Variants in CREM observed in about 807,000 individuals in gnomAD.
The protein encoded by CREM is cAMP-responsive element modulator.
A neutral mutation model predicts 37.3 loss-of-function variants in CREM; 13 were observed. The ratio of observed to expected loss-of-function variants is 0.35; its 90% confidence interval spans 0.23 to 0.55. CREM has a LOEUF of 0.55. CREM is among the 20% of genes least tolerant of loss of function. The pLI, the probability that CREM is intolerant of heterozygous loss-of-function variation, is 0.88. For missense variants in CREM, 296 were observed against 362.3 expected, an observed-to-expected ratio of 0.82 and a Z score of 1.49; for synonymous variants, 124 against 120.2, an observed-to-expected ratio of 1.03 and a Z score of -0.21.
intron 6 of CREM, chr10:35,196,195 CATCCTCTTACTCCATCTATAGG>C: frequency 8.1e-7 from 1 of 1,228,128 alleles, no homozygotes; most frequent in Non-Finnish European, 1.2e-6. Context: ...ACTCTTACTC[CATCCTCTTACTCCATCTATAGG>C]AACTTGCGAT....
rs58354150 is a variant in CREM at position 35,159,440 on chromosome 10, C to T, written c.168+10949C>T. Among the ~76,000 whole-genome samples, 1,206 of 152,262 alleles carry T rather than the reference C, an allele frequency of 7.9e-3. 21 individuals are homozygous for T. The highest frequency in any genetic ancestry group is 0.027 in the African/African-American group (1,132 of 41,556). The stretch of plus-strand genomic sequence containing the variant: ...AAAACCATGCATTTACTTACACCAA[C>T]TTATATTCAACAAAAATGGCAGGAC... On this transcript the variant is annotated intron_variant, in intron 3 of 7. Transcript: ENST00000685392.
In CREM at chr10:35,208,690, G is replaced by T. The variant is rs374412144; in HGVS notation, c.755+1639G>T. On this transcript the variant is annotated intron_variant, in intron 7 of 7. Coordinates refer to ENST00000685392, the MANE Select transcript of CREM (RefSeq NM_183011.2). ...CTCTAGGCATTGCCTCAGACAGGAA[G>T]AAGGGCTAGAGCCAAAAATTGGGGC... is the stretch of plus-strand genomic sequence containing the variant. Among the ~76,000 whole-genome samples the T allele has an allele frequency of 3.3e-5, 5 of 152,322 alleles. No homozygotes were observed. The South Asian group carries it at 6.2e-4, about 19-fold the overall frequency.
chr10:35,180,180 ATGT>A (rs1205814390), intron 5 of CREM, among the ~76,000 whole-genome samples: 1 of 152,228 alleles, frequency 6.6e-6, no homozygotes, highest in Admixed American at 6.5e-5. Context: ...GACAGCAGTC[ATGT>A]TGTTGAAGAG....
At chr10:35,138,200 C>T (rs2090881065) in intron 2 of CREM, among the ~76,000 whole-genome samples, 1 of 152,192 alleles carries the variant, frequency 6.6e-6, no homozygotes, top group African/African-American at 2.4e-5. Flanking sequence ...TATTCTTCCT[C>T]CCGGCCTTTC....
In CREM at chr10:35,195,156, G is replaced by C. The variant is rs752229615; in HGVS notation, c.598+6768G>C. On this transcript the variant is annotated intron_variant, in intron 6 of 7. Coordinates refer to ENST00000685392, the MANE Select transcript of CREM (RefSeq NM_183011.2). ...ACACTTTATGTTGAACTGTGGTAGA[G>C]GAAACAAGACAGTTCTGTCTGCAGA... 16 of 1,612,164 alleles carry C rather than the reference G, an allele frequency of 9.9e-6. No individual in the cohort carries two copies. In the South Asian group the frequency reaches 1.5e-4, roughly 16 times the overall value.
chr10:35,179,760 A>G (rs2094273354), intron 5 of CREM: 1 of 152,772 alleles, frequency 6.5e-6, no homozygotes. Flanking sequence ...AAATGATTTA[A>G]TTTTTTAAAC....
chr10:35,145,418 T>G (rs1321139847), intron 2 of CREM, among the ~76,000 whole-genome samples: 1 of 152,086 alleles, frequency 6.6e-6, no homozygotes, highest in Non-Finnish European at 1.5e-5. Flanking sequence ...ATGACCACAT[T>G]CTCTGGCAGA....
intron 1 of CREM, among the ~76,000 whole-genome samples, 185 bp from the exon 2 acceptor site, chr10:35,137,597 T>TC (rs940785453): frequency 2.0e-5 from 3 of 152,166 alleles, no homozygotes; most frequent in Middle Eastern, 3.2e-3. Context: ...AGGGCTGTTT[T>TC]TAGCTTTCTA....
chr10:35,178,575 T>C (rs1040688146), intron 3 of CREM, among the ~76,000 whole-genome samples: 1 of 152,212 alleles, frequency 6.6e-6, no homozygotes, highest in African/African-American at 2.4e-5. Context: ...GCTTAGGTCT[T>C]GGGTATTTTA....
intron 5 of CREM, among the ~76,000 whole-genome samples, chr10:35,183,872 C>G (rs535140484): frequency 6.6e-6 from 1 of 152,148 alleles, no homozygotes; most frequent in Non-Finnish European, 1.5e-5. Flanking sequence ...GTCAGGCATT[C>G]GAGACCAGCC....
chr10:35,127,335 ACCCCGGGGCCGGGC>A (rs965870717), intron 1 of CREM, 142 bp downstream of exon 1: 2 of 151,724 alleles, frequency 1.3e-5, no homozygotes, highest in African/African-American at 4.8e-5. Flanking sequence ...GCGGGCCGGG[ACCCCGGGGCCGGGC>A]CAAGGACTGG....
chr10:35,210,263 G>A (rs1348964944), intron 7 of CREM, among the ~76,000 whole-genome samples: 1 of 152,076 alleles, frequency 6.6e-6, no homozygotes, highest in African/African-American at 2.4e-5. Flanking sequence ...CCTCCAAAAT[G>A]AGGCCAATTA....
intron 3 of CREM, among the ~76,000 whole-genome samples, chr10:35,176,406 CTTCTTTTTTTTTTTTTTTT>C (rs2094082726): frequency 6.9e-6 from 1 of 144,712 alleles, no homozygotes; most frequent in Admixed American, 6.9e-5. Flanking sequence ...CTTTTTTTTT[CTTCTTTTTTTTTTTTTTTT>C]GAGACAGAGT....
intron 6 of CREM, 135 bp downstream of exon 6, chr10:35,188,523 C>A: frequency 1.5e-6 from 1 of 662,236 alleles, no homozygotes; most frequent in Non-Finnish European, 2.3e-6. Context: ...AAAAGGCTTA[C>A]AGAAGAAATA....
chr10:35,185,303 CT>C (rs1251257279), intron 5 of CREM, among the ~76,000 whole-genome samples: 2 of 152,028 alleles, frequency 1.3e-5, no homozygotes, highest in Non-Finnish European at 2.9e-5. Context: ...GGGGTTTCTC[CT>C]TGTTGGTCAG....
chr10:35,161,669 A>G (rs1458672340), intron 3 of CREM, among the ~76,000 whole-genome samples: 4 of 152,070 alleles, frequency 2.6e-5, no homozygotes, highest in Non-Finnish European at 4.4e-5. Context: ...TCACCAAAAA[A>G]AAAAAGCTCG....
In CREM at chr10:35,194,220, G is replaced by A. The variant is rs1297740874; in HGVS notation, c.598+5832G>A. Among the ~76,000 whole-genome samples, 6 of 148,762 alleles carry A rather than the reference G, an allele frequency of 4.0e-5. No homozygotes were observed. In the South Asian group the frequency reaches 6.4e-4, roughly 16 times the overall value. The stretch of plus-strand genomic sequence containing the variant: ...TGGTCTGTTCTATGGTTGAACATTC[G>A]CCCATTTTTGTGTCTAACCTTATAA... On this transcript the variant is annotated intron_variant, in intron 6 of 7. Transcript: ENST00000685392.
At position 35,164,614 on chromosome 10, in the gene CREM, C is replaced by T. The variant is rs112848747; in HGVS notation, c.169-14275C>T. Among the ~76,000 whole-genome samples, 940 of 152,290 alleles carry T rather than the reference C, an allele frequency of 6.2e-3. 12 individuals carry two copies. The highest frequency in any genetic ancestry group is 0.021 in the African/African-American group (892 of 41,554). On this transcript the variant is annotated intron_variant, in intron 3 of 7. Transcript: ENST00000685392. ...AACTATTTCAGATTTCATGGTAAGA[C>T]CAAACTGCATTATAATTTTTGTAAG...
chr10:35,163,104 G>C (rs2093373651), intron 3 of CREM, among the ~76,000 whole-genome samples: 1 of 151,962 alleles, frequency 6.6e-6, no homozygotes, highest in African/African-American at 2.4e-5. Flanking sequence ...TACTCAGGAG[G>C]CTAAGATGGG....
Sources: allele counts gnomAD v4.1 joint callset (sites outside exome capture counted in the v4.1 genomes callset), GRCh38; gene constraint gnomAD v4.1.1; transcripts MANE v1.5; gene names NCBI Gene and HGNC (gene_info 2026-07-23, HGNC 2026-07-21).